The following QKI variants were observed in gnomAD, a reference collection of about 807,000 sequenced individuals.
QKI encodes QKI, KH domain containing RNA binding, also known as KH domain-containing RNA-binding protein QKI.
Under a neutral mutation model 39.0 loss-of-function variants are expected in QKI, and 10 were observed. That is an observed-to-expected ratio of 0.26 (90% confidence interval 0.16 to 0.43). The LOEUF (loss-of-function observed/expected upper bound fraction) is 0.43. QKI is among the 20% of genes least tolerant of loss of function. The pLI, the probability that QKI is intolerant of heterozygous loss-of-function variation, is 1.00. For synonymous variants in QKI, 204 were observed against 155.4 expected (o/e 1.31, Z -2.33); for missense variants, 218 against 428.0 (o/e 0.51, Z 4.33).
At chr6:163,451,711 C>T (rs995885104) in intron 1 of QKI, among the ~76,000 whole-genome samples, 20 of 152,048 alleles carry the variant, frequency 1.3e-4, no homozygotes, top group Non-Finnish European at 4.4e-5. Flanking sequence ...ACAACTGCTG[C>T]GGGTTGTTGA....
chr6:163,553,289 C>G (rs750026246), intron 4 of QKI, among the ~76,000 whole-genome samples: 1 of 151,648 alleles, frequency 6.6e-6, no homozygotes, highest in South Asian at 2.1e-4. Context: ...TTTTAGTAGA[C>G]ATAGGGTTTC....
chr6:163,564,498 A>T, intron 6 of QKI: 1 of 1,435,340 alleles, frequency 7.0e-7, no homozygotes, highest in Non-Finnish European at 9.1e-7. Context: ...AACATGAGAG[A>T]TACTCTTAAT....
At chr6:163,417,669 T>C (rs184185649) in intron 1 of QKI, among the ~76,000 whole-genome samples, 2 of 152,198 alleles carry the variant, frequency 1.3e-5, no homozygotes. Flanking sequence ...AAGAGACCAC[T>C]ATGATATCTC....
In QKI at chr6:163,562,069, C is replaced by CCA; in HGVS notation, c.634_634+1insCA (p.Ala213GlnfsTer40). 6.2e-7 allele frequency: 1 copy of CCA among 1,610,340 alleles called. No homozygotes were observed. On this transcript the variant is annotated frameshift_variant and splice_region_variant. Transcript: ENST00000361752. LOFTEE classifies it high-confidence loss of function. ...CTACAGAGATGCCAACATTAAATCA[C>CCA]GTAAGAATGAGCTCTGAGGCCCAGG...
At chr6:163,509,140 T>A (rs1183556814) in intron 3 of QKI, among the ~76,000 whole-genome samples, 2 of 148,922 alleles carry the variant, frequency 1.3e-5, no homozygotes, top group Non-Finnish European at 1.5e-5. Context: ...TCCGTCTCAG[T>A]CAGTCAGTCA....
intron 7 of QKI, chr6:163,569,387 G>C (rs1783568786): frequency 8.0e-7 from 1 of 1,256,496 alleles, no homozygotes; most frequent in Admixed American, 2.7e-5. Context: ...AAGTGGCACA[G>C]AATCTAACTT....
At chr6:163,440,046 G>T (rs963493732) in intron 1 of QKI, among the ~76,000 whole-genome samples, 1 of 152,122 alleles carries the variant, frequency 6.6e-6, no homozygotes, top group African/African-American at 2.4e-5. Context: ...CTTTTAATTT[G>T]AATATACCAT....
rs1791003799 is a variant in QKI, at chr6:163,457,469, TCCTTGGAC to T, written c.285+2050_285+2057del. ...TTGATCGGTGATTCTCAAAACACAG[TCCTTGGAC>T]CATAGTATCTACGCTTTCTGGGAAC... On this transcript the variant is annotated intron_variant, in intron 2 of 7. Coordinates refer to ENST00000361752, the MANE Select transcript of QKI (RefSeq NM_006775.3). 6 of 456,000 alleles carry T rather than the reference TCCTTGGAC, an allele frequency of 1.3e-5. No individual in the cohort carries two copies. In the Admixed American group the frequency reaches 1.4e-4, roughly 11 times the overall value. The allele number at this position is 456,000 out of a possible 1,614,324, so 28.2% of individuals were successfully genotyped here.
chr6:163,535,197 T>C, intron 4 of QKI, 72 bp downstream of exon 4: 1 of 1,428,676 alleles, frequency 7.0e-7, no homozygotes, highest in Non-Finnish European at 9.4e-7. Context: ...ATTATCGTAA[T>C]GTTTATAAGG....
intron 1 of QKI, among the ~76,000 whole-genome samples, chr6:163,426,238 C>T (rs764126345): frequency 2.6e-5 from 4 of 151,170 alleles, no homozygotes; most frequent in Non-Finnish European, 5.9e-5. Context: ...AATCTAGAAC[C>T]ATCTCTTTTT....
chr6:163,519,903 C>A (rs530191864), intron 3 of QKI, among the ~76,000 whole-genome samples: 1 of 152,114 alleles, frequency 6.6e-6, no homozygotes, highest in South Asian at 2.1e-4. Flanking sequence ...ACATCTGTTT[C>A]TTAATTAAGG....
chr6:163,441,847 G>GT (rs1199396064), intron 1 of QKI, among the ~76,000 whole-genome samples: 1 of 152,148 alleles, frequency 6.6e-6, no homozygotes, highest in Non-Finnish European at 1.5e-5. Flanking sequence ...GGTTAGGTTG[G>GT]TTAAGGACAT....
chr6:163,437,133 T>C (rs1789363511), intron 1 of QKI, among the ~76,000 whole-genome samples: 2 of 152,176 alleles, frequency 1.3e-5, no homozygotes, highest in African/African-American at 4.8e-5. Context: ...GTGAGAGAGA[T>C]GATGTAGTTT....
chr6:163,531,764 C>T (rs929047728), intron 3 of QKI, among the ~76,000 whole-genome samples: 3 of 152,204 alleles, frequency 2.0e-5, no homozygotes, highest in Non-Finnish European at 4.4e-5. Context: ...CTCGGCCCCC[C>T]CAAAGTGCTG....
intron 3 of QKI, among the ~76,000 whole-genome samples, chr6:163,513,339 T>C (rs1779598445): frequency 6.6e-6 from 1 of 152,184 alleles, no homozygotes; most frequent in Non-Finnish European, 1.5e-5. Context: ...CTAAACTTGA[T>C]TGTAATTATT....
chr6:163,425,608 T>G (rs1039146905), intron 1 of QKI, among the ~76,000 whole-genome samples: 14 of 152,180 alleles, frequency 9.2e-5, no homozygotes, highest in Non-Finnish European at 1.8e-4. Flanking sequence ...TTTCTCAAAA[T>G]AGTATTAATA....
chr6:163,456,369 C>A (rs13200846), intron 2 of QKI, among the ~76,000 whole-genome samples: 295 of 152,168 alleles, frequency 1.9e-3, no homozygotes, highest in Non-Finnish European at 3.0e-3. Flanking sequence ...TTGTTATTCA[C>A]TGCTGTATCC....
At chr6:163,440,868 A>G (rs565769192) in intron 1 of QKI, among the ~76,000 whole-genome samples, 6 of 134,834 alleles carry the variant, frequency 4.4e-5, no homozygotes, top group Non-Finnish European at 9.7e-5. Context: ...CATTGGTAAG[A>G]CAGTTTTTTT....
intron 1 of QKI, among the ~76,000 whole-genome samples, chr6:163,447,050 T>C (rs1232941736): frequency 6.6e-6 from 1 of 152,152 alleles, no homozygotes; most frequent in Non-Finnish European, 1.5e-5. Flanking sequence ...AGGTGGCTTA[T>C]TCCATTTTAT....
Sources: gnomAD v4.1 joint callset for allele counts (sites outside exome capture counted in the v4.1 genomes callset) on GRCh38, gnomAD v4.1.1 for gene constraint, MANE v1.5 for transcripts, NCBI Gene and HGNC (gene_info 2026-07-23, HGNC 2026-07-21) for gene names.